CBFA2T3: variants seen among roughly 807,000 people sequenced by gnomAD.
CBFA2T3 encodes transcriptional corepressor CBFA2T3.
A neutral mutation model predicts 58.6 loss-of-function variants in CBFA2T3; 31 were observed. That is an observed-to-expected ratio of 0.53 (90% CI 0.40 to 0.71). CBFA2T3 has a LOEUF of 0.71. Among genes scored for constraint, CBFA2T3 ranks in the 30% least tolerant of loss-of-function variants. CBFA2T3 has a pLI of 0.00. For synonymous variants in CBFA2T3, 531 were observed against 421.9 expected, an observed-to-expected ratio of 1.26 and a Z score of -3.17; for missense variants, 1,076 against 963.1, an observed-to-expected ratio of 1.12 and a Z score of -1.55.
At chr16:88,906,035 A>G (rs1024657488) in intron 1 of CBFA2T3, among the ~76,000 whole-genome samples, 1 of 151,964 alleles carries the variant, frequency 6.6e-6, no homozygotes, top group South Asian at 2.1e-4. Context: ...TGCCTCTTCA[A>G]AGGGGATGGA....
chr16:88,957,775 CT>C (rs1172452647), intron 1 of CBFA2T3: 2 of 152,316 alleles, frequency 1.3e-5, no homozygotes. Flanking sequence ...CAGGATCCCG[CT>C]TACACACAAC....
In CBFA2T3 at chr16:88,889,702, G is replaced by A. The variant is rs574249427; in HGVS notation, c.711+2180C>T. Among the ~76,000 whole-genome samples the A allele has an allele frequency of 2.6e-5, 4 of 151,198 alleles. No homozygotes were observed. In the East Asian group the frequency reaches 7.8e-4, roughly 30 times the overall value. ...GAAGCACTCCTCCTCCTCCAGGGAC[G>A]ACACCCCGCGATTCCTCCTCCTCCA... On this transcript the variant is annotated intron_variant, in intron 5 of 11. Transcript: ENST00000268679.
rs535214206 is a variant in CBFA2T3, at chr16:88,904,888, C to T, written c.152-3232G>A. ...AGGAAGCCAGGTGACAGGAAGATGA[C>T]GCGGAGTTCCCCACGCCCTGCCTTG... On this transcript the variant is annotated intron_variant, in intron 1 of 11. Coordinates refer to ENST00000268679, the MANE Select transcript of CBFA2T3 (RefSeq NM_005187.6). Among the ~76,000 whole-genome samples, 423 of 152,272 alleles carry T rather than the reference C, an allele frequency of 2.8e-3. 2 individuals are homozygous for T. Among genetic ancestry groups the T allele is most frequent in the African/African-American group, 9.2e-3 (384 of 41,560 alleles).
Position 88,891,881 on chromosome 16 carries a change from C to A in CBFA2T3, c.711+1G>T. The A allele has an allele frequency of 6.2e-7, 1 of 1,609,098 alleles. No individual in the cohort carries two copies. On this transcript the variant is annotated splice_donor_variant, in intron 5 of 11. Coordinates refer to ENST00000268679, the MANE Select transcript of CBFA2T3 (RefSeq NM_005187.6). LOFTEE classifies it high-confidence loss of function. ...AGCACGGGGGACGGGTTTCGCATTA[C>A]CTTCAGGAAGGGAATGACAAACGGC...
intron 3 of CBFA2T3, among the ~76,000 whole-genome samples, chr16:88,895,259 G>C (rs1269308924): frequency 6.6e-6 from 1 of 152,166 alleles, no homozygotes; most frequent in African/African-American, 2.4e-5. Flanking sequence ...CTCTCTAAGT[G>C]TCCCTCCAGT....
chr16:88,907,441 T>C (rs1017626384), intron 1 of CBFA2T3, among the ~76,000 whole-genome samples: 1 of 152,114 alleles, frequency 6.6e-6, no homozygotes, highest in African/African-American at 2.4e-5. Flanking sequence ...GGGCAGCGGG[T>C]GCGGAATCTG....
At chr16:88,926,158 G>A (rs1001655508) in intron 1 of CBFA2T3, among the ~76,000 whole-genome samples, 3 of 152,242 alleles carry the variant, frequency 2.0e-5, no homozygotes, top group Non-Finnish European at 2.9e-5. Context: ...ATTCCCAGGA[G>A]GGCAGAGCAG....
At chr16:88,972,334 G>T (rs924830899) in intron 1 of CBFA2T3, among the ~76,000 whole-genome samples, 1 of 152,164 alleles carries the variant, frequency 6.6e-6, no homozygotes, top group Non-Finnish European at 1.5e-5. Context: ...TGGGGAGATA[G>T]TTGGGGGGGA....
At chr16:88,930,404 C>T (rs1314951036) in intron 1 of CBFA2T3, among the ~76,000 whole-genome samples, 2 of 152,178 alleles carry the variant, frequency 1.3e-5, no homozygotes, top group Non-Finnish European at 2.9e-5. Flanking sequence ...CTACCCATGC[C>T]CACAGCTGCA....
At position 88,977,114 on chromosome 16, in the gene CBFA2T3, G is replaced by A. The variant is rs573980089; in HGVS notation, c.-307C>T. On this transcript the variant is annotated 5_prime_UTR_variant, in exon 1 of 12. Coordinates refer to ENST00000268679, the MANE Select transcript of CBFA2T3 (RefSeq NM_005187.6). ...CCAGCTGTGTCCCCGTGATAATGCC[G>A]GGGCCGGAGGCCTGCAGCTGCGCCC... 1.5e-5 allele frequency: 5 copies of A among 331,228 alleles called. No homozygotes were observed. The highest frequency in any genetic ancestry group is 4.1e-5 in the African/African-American group (2 of 48,576). The allele number at this position is 331,228 out of a possible 1,614,324, so 20.5% of individuals were successfully genotyped here. A position where few individuals can be genotyped will look rare whatever the true frequency, so the allele number is the denominator to read the frequency against.
intron 1 of CBFA2T3, chr16:88,951,325 T>C: frequency 2.2e-6 from 1 of 457,572 alleles, no homozygotes; most frequent in Non-Finnish European, 4.4e-6. Flanking sequence ...GCACCTGTCT[T>C]CTGGGTCTCC....
intron 1 of CBFA2T3, chr16:88,939,751 CTG>C (rs1411807189): frequency 6.6e-6 from 1 of 152,308 alleles, no homozygotes; most frequent in Non-Finnish European, 1.5e-5. Flanking sequence ...TGCCCAGGAA[CTG>C]TGGGCTGGGC....
At chr16:88,889,777 G>T (rs1232060748) in intron 5 of CBFA2T3, among the ~76,000 whole-genome samples, 1 of 148,292 alleles carries the variant, frequency 6.7e-6, no homozygotes, top group Non-Finnish European at 1.5e-5. Context: ...CCTCCTCCAG[G>T]GACGACGCCA....
chr16:88,922,783 G>C (rs908533148), intron 1 of CBFA2T3, among the ~76,000 whole-genome samples: 1 of 152,234 alleles, frequency 6.6e-6, no homozygotes, highest in Admixed American at 6.5e-5. Context: ...CACTGTTCCC[G>C]TGGCACAGGC....
chr16:88,903,173 G>A lies in CBFA2T3; in HGVS notation c.152-1517C>T, dbSNP rs1360994622. 2.0e-5 allele frequency among the ~76,000 whole-genome samples: 3 copies of A among 152,350 alleles called. No individual in the cohort carries two copies. In the East Asian group the frequency reaches 5.8e-4, roughly 29 times the overall value. On this transcript the variant is annotated intron_variant, in intron 1 of 11. Transcript: ENST00000268679. ...AGGGCCACGGCCACGCGGACTCTGTGGAAGGTGACGGATAAATGACTTCTA... is the reference window on the plus strand; with the variant it reads ...AGGGCCACGGCCACGCGGACTCTGTAGAAGGTGACGGATAAATGACTTCTA...
intron 11 of CBFA2T3, among the ~76,000 whole-genome samples, chr16:88,878,208 C>T (rs1389724198): frequency 1.3e-5 from 2 of 152,272 alleles, no homozygotes; most frequent in Non-Finnish European, 2.9e-5. Context: ...CCCGAAACTG[C>T]ACGCCTCACT....
chr16:88,907,884 T>A (rs1970392393), intron 1 of CBFA2T3, among the ~76,000 whole-genome samples: 1 of 152,200 alleles, frequency 6.6e-6, no homozygotes, highest in Non-Finnish European at 1.5e-5. Flanking sequence ...CATGCCTGAG[T>A]CTGCCCTGAT....
At chr16:88,954,450 G>C (rs1188431774) in intron 1 of CBFA2T3, among the ~76,000 whole-genome samples, 3 of 141,466 alleles carry the variant, frequency 2.1e-5, no homozygotes, top group Admixed American at 2.0e-4. Context: ...CAAGGCTCCT[G>C]ACCCCAGCCA....
intron 1 of CBFA2T3, among the ~76,000 whole-genome samples, chr16:88,924,384 ACT>A (rs1436485968): frequency 6.6e-6 from 1 of 151,794 alleles, no homozygotes; most frequent in East Asian, 1.9e-4. Context: ...AGGAGGCTAG[ACT>A]CTGCTGAGAC....
Sources: gnomAD v4.1 joint callset for allele counts (sites outside exome capture counted in the v4.1 genomes callset) on GRCh38, gnomAD v4.1.1 for gene constraint, MANE v1.5 for transcripts, NCBI Gene and HGNC (gene_info 2026-07-23, HGNC 2026-07-21) for gene names.